Variants in ZNRF3 observed in about 807,000 individuals in gnomAD.
The protein encoded by ZNRF3 is zinc and ring finger 3, also known as E3 ubiquitin-protein ligase ZNRF3.
A neutral mutation model predicts 72.5 loss-of-function variants in ZNRF3; 23 were observed. The observed-to-expected ratio is 0.32, with a 90% CI of 0.23 to 0.45. The LOEUF (loss-of-function observed/expected upper bound fraction) is 0.45. ZNRF3 is among the 20% of genes least tolerant of loss of function. The pLI, the probability that ZNRF3 is intolerant of heterozygous loss-of-function variation, is 1.00. For missense variants in ZNRF3, 1,169 were observed against 1,272.1 expected (o/e 0.92, Z 1.23); for synonymous variants, 610 against 545.3 (o/e 1.12, Z -1.65).
chr22:29,029,240 G>A (rs2036701752), intron 2 of ZNRF3, among the ~76,000 whole-genome samples: 1 of 152,218 alleles, frequency 6.6e-6, no homozygotes, highest in East Asian at 1.9e-4. Flanking sequence ...CAAGATAGAA[G>A]AGTAAGATCT....
In ZNRF3 at chr22:28,935,368, C is replaced by T. The variant is rs143573160; in HGVS notation, c.300+51302C>T. Among the ~76,000 whole-genome samples the T allele has an allele frequency of 4.6e-5, 7 of 152,294 alleles. No homozygotes were observed. In the East Asian group the frequency reaches 5.8e-4, roughly 13 times the overall value. On this transcript the variant is annotated intron_variant, in intron 1 of 8. Transcript: ENST00000544604. Reference sequence around the variant, plus strand: ...TATGGGGGCAGCCCACCCTGGCGCCCGTGTGGTGAAGCCTACTCGTTGTCA... The same window carrying T: ...TATGGGGGCAGCCCACCCTGGCGCCTGTGTGGTGAAGCCTACTCGTTGTCA...
chr22:29,039,452 A>C (rs2036919881), intron 2 of ZNRF3, among the ~76,000 whole-genome samples: 1 of 152,164 alleles, frequency 6.6e-6, no homozygotes, highest in Non-Finnish European at 1.5e-5. Context: ...GTGGAATGAA[A>C]GCCAAATAAA....
chr22:29,047,175 T>C (rs2037090530), intron 6 of ZNRF3, among the ~76,000 whole-genome samples: 1 of 152,212 alleles, frequency 6.6e-6, no homozygotes, highest in Admixed American at 6.5e-5. Flanking sequence ...AAGGATCACT[T>C]GAGGCTAGGA....
In ZNRF3 at chr22:29,031,388, C is replaced by T. The variant is rs116899245; in HGVS notation, c.427-11107C>T. On this transcript the variant is annotated intron_variant, in intron 2 of 8. Coordinates refer to ENST00000544604, the MANE Select transcript of ZNRF3 (RefSeq NM_001206998.2). ...CCCGTTCCTGGCACCAGGATTTTCT[C>T]ACCGGTTACCCGTGTGCTCTTGGTG... is the stretch of plus-strand genomic sequence containing the variant. The T allele has an allele frequency of 5.9e-3, 940 of 160,528 alleles. 5 individuals are homozygous for T. The highest frequency in any genetic ancestry group is 9.9e-3 in the Non-Finnish European group (751 of 75,570). 9.9% of individuals were successfully genotyped at this position (160,528 alleles called of 1,614,324 possible).
At chr22:28,952,070 C>T (rs910498202) in intron 1 of ZNRF3, among the ~76,000 whole-genome samples, 7 of 152,226 alleles carry the variant, frequency 4.6e-5, no homozygotes, top group Non-Finnish European at 8.8e-5. Flanking sequence ...GACCCTCCTG[C>T]GGGTTCCCAG....
intron 1 of ZNRF3, among the ~76,000 whole-genome samples, chr22:28,985,367 C>A (rs1474058578): frequency 1.3e-5 from 2 of 152,076 alleles, no homozygotes; most frequent in Non-Finnish European, 2.9e-5. Flanking sequence ...GCAACTCCTC[C>A]CCGGGCTTGG....
intron 1 of ZNRF3, among the ~76,000 whole-genome samples, chr22:28,896,796 T>A (rs2123748752): frequency 6.6e-6 from 1 of 152,330 alleles, no homozygotes; most frequent in South Asian, 2.1e-4. Flanking sequence ...TAAAGGTAGC[T>A]TGTGGCTGAG....
intron 2 of ZNRF3, among the ~76,000 whole-genome samples, chr22:29,003,327 T>C (rs1417577265): frequency 6.6e-6 from 1 of 151,810 alleles, no homozygotes; most frequent in Non-Finnish European, 1.5e-5. Context: ...CCATCCTGGT[T>C]AACACGATGA....
chr22:28,909,114 C>T (rs1246105531), intron 1 of ZNRF3, among the ~76,000 whole-genome samples: 4 of 152,116 alleles, frequency 2.6e-5, no homozygotes, highest in African/African-American at 9.7e-5. Flanking sequence ...GCATGTTGCC[C>T]AGGCTGGTCT....
intron 2 of ZNRF3, among the ~76,000 whole-genome samples, chr22:29,005,503 G>A (rs1685481314): frequency 6.6e-6 from 1 of 152,198 alleles, no homozygotes; most frequent in Non-Finnish European, 1.5e-5. Context: ...TTTGGGGTAG[G>A]AGGAAAGGAG....
chr22:28,904,142 G>GT (rs1422189830), intron 1 of ZNRF3, among the ~76,000 whole-genome samples: 9 of 152,260 alleles, frequency 5.9e-5, no homozygotes, highest in African/African-American at 2.2e-4. Context: ...ACAACTCCTA[G>GT]TTAACCTTGG....
chr22:28,957,682 G>A (rs132562), intron 1 of ZNRF3, among the ~76,000 whole-genome samples: 1 of 151,708 alleles, frequency 6.6e-6, no homozygotes, highest in East Asian at 2.0e-4. Flanking sequence ...CTTGTGATCC[G>A]CTCGCCTCGG....
Position 28,896,116 on chromosome 22 carries a change from A to AATTTTT in ZNRF3, c.300+12061_300+12066dup, listed in dbSNP as rs1399552332. On this transcript the variant is annotated intron_variant, in intron 1 of 8. Transcript: ENST00000544604. ...CAGGCGTCCACCATCACGCCCGGCT[A>AATTTTT]ATTTTTATTTTTATTTATTTTTATT... 2.7e-5 allele frequency among the ~76,000 whole-genome samples: 4 copies of AATTTTT among 146,808 alleles called. No individual in the cohort carries two copies. In the Admixed American group the frequency reaches 2.7e-4, roughly 10 times the overall value.
intron 1 of ZNRF3, among the ~76,000 whole-genome samples, chr22:28,913,648 G>A (rs562310316): frequency 6.6e-5 from 10 of 152,158 alleles, no homozygotes; most frequent in Admixed American, 5.2e-4. Context: ...GGGTGATGGG[G>A]TATAGGGAGT....
At chr22:28,888,796 A>G (rs1354111567) in intron 1 of ZNRF3, among the ~76,000 whole-genome samples, 2 of 152,234 alleles carry the variant, frequency 1.3e-5, no homozygotes, top group African/African-American at 4.8e-5. Flanking sequence ...CTAACTTCAC[A>G]TGGCTAGCAG....
At position 28,907,067 on chromosome 22, in the gene ZNRF3, C is replaced by T. The variant is rs953126649; in HGVS notation, c.300+23001C>T. Among the ~76,000 whole-genome samples the T allele has an allele frequency of 3.3e-5, 5 of 151,608 alleles. No homozygotes were observed. The South Asian group carries it at 1.0e-3, about 31-fold the overall frequency. On this transcript the variant is annotated intron_variant, in intron 1 of 8. Transcript: ENST00000544604. Reference sequence around the variant, plus strand: ...GCACCATCTCAGCTCACTGCAACCTCCGCCTCCCGGGTTCAAGCAATTCTC... The same window carrying T: ...GCACCATCTCAGCTCACTGCAACCTTCGCCTCCCGGGTTCAAGCAATTCTC...
intron 1 of ZNRF3, among the ~76,000 whole-genome samples, chr22:28,885,640 T>C (rs940215386): frequency 2.6e-5 from 4 of 151,962 alleles, no homozygotes; most frequent in Non-Finnish European, 4.4e-5. Flanking sequence ...CACTTGACTT[T>C]TTGAAGGAGA....
intron 2 of ZNRF3, among the ~76,000 whole-genome samples, chr22:29,020,383 C>T (rs2036511757): frequency 6.6e-6 from 1 of 151,144 alleles, no homozygotes; most frequent in South Asian, 2.1e-4. Flanking sequence ...GCCTCAGCCT[C>T]CTGAGTAGCT....
Position 29,053,697 on chromosome 22 carries a change from A to G in ZNRF3, c.*75A>G, listed in dbSNP as rs1601722667. 6.8e-7 allele frequency: 1 copy of G among 1,480,108 alleles called. No homozygotes were observed. Among genetic ancestry groups the G allele is most frequent in the Non-Finnish European group, 9.2e-7 (1 of 1,091,340 alleles). The allele number at this position is 1,480,108 out of a possible 1,614,324, so 91.7% of individuals were successfully genotyped here. A position where few individuals can be genotyped will look rare whatever the true frequency, so the allele number is the denominator to read the frequency against. ...AACTGACTTCTTTCAAAAAACAAAA[A>G]CAAAAAATTTTTTTAGCTTTGACAA... On this transcript the variant is annotated 3_prime_UTR_variant, in exon 9 of 9. Coordinates refer to ENST00000544604, the MANE Select transcript of ZNRF3 (RefSeq NM_001206998.2).
Sources: gnomAD v4.1 joint callset for allele counts (sites outside exome capture counted in the v4.1 genomes callset) on GRCh38, gnomAD v4.1.1 for gene constraint, MANE v1.5 for transcripts, NCBI Gene and HGNC (gene_info 2026-07-23, HGNC 2026-07-21) for gene names.